SLC5A10: variants seen among roughly 807,000 people sequenced by gnomAD.
SLC5A10 encodes sodium/mannose cotransporter SLC5A10.
In SLC5A10, 55 loss-of-function variants were observed where a neutral mutation model predicts 68.9. The observed-to-expected ratio is 0.80, with a 90% CI of 0.64 to 1.00. The LOEUF is 1.00. Ranked by LOEUF, SLC5A10 falls within the 50% of genes least tolerant of loss-of-function variation. The pLI, the probability that SLC5A10 is intolerant of heterozygous loss-of-function variation, is 0.00. For synonymous variants in SLC5A10, 344 were observed against 344.8 expected, an observed-to-expected ratio of 1.00 and a Z score of 0.02; for missense variants, 732 against 819.3, an observed-to-expected ratio of 0.89 and a Z score of 1.30.
chr17:18,978,552 T>A, intron 9 of SLC5A10: 1 of 1,613,238 alleles, frequency 6.2e-7, no homozygotes. Flanking sequence ...CCCAGGGGCT[T>A]CTTGGCCTCC....
At chr17:18,955,405 G>T (rs1299590516) in intron 1 of SLC5A10, among the ~76,000 whole-genome samples, 1 of 152,208 alleles carries the variant, frequency 6.6e-6, no homozygotes, top group African/African-American at 2.4e-5. Context: ...TCATAGAGCT[G>T]TTGCGAGGAC....
At chr17:18,963,540 T>G (rs2042651469) in intron 5 of SLC5A10, among the ~76,000 whole-genome samples, 1 of 152,268 alleles carries the variant, frequency 6.6e-6, no homozygotes, top group Non-Finnish European at 1.5e-5. Flanking sequence ...TGGGCTTGGC[T>G]GCGAGAGGAC....
At chr17:18,964,130 C>G (rs1370845129) in intron 5 of SLC5A10, among the ~76,000 whole-genome samples, 1 of 152,176 alleles carries the variant, frequency 6.6e-6, no homozygotes, top group Non-Finnish European at 1.5e-5. Flanking sequence ...CAGGCCAGCC[C>G]CCTTCCTCTC....
At chr17:18,953,124 CCTT>C (rs1252489247) in intron 1 of SLC5A10, among the ~76,000 whole-genome samples, 2 of 135,882 alleles carry the variant, frequency 1.5e-5, no homozygotes, top group South Asian at 2.4e-4. Context: ...AATGAGTACC[CCTT>C]CTTTTTTTTT....
Position 19,017,698 on chromosome 17 carries a change from A to C in SLC5A10, c.1242-1725A>C. 6.1e-6 allele frequency: 2 copies of C among 327,840 alleles called. No homozygotes were observed. Among genetic ancestry groups the C allele is most frequent in the Non-Finnish European group, 1.2e-5 (2 of 173,318 alleles). 20.3% of individuals were successfully genotyped at this position (327,840 alleles called of 1,614,324 possible). A position where few individuals can be genotyped will look rare whatever the true frequency, so the allele number is the denominator to read the frequency against. On this transcript the variant is annotated intron_variant, in intron 11 of 14. Coordinates refer to ENST00000395645, the MANE Select transcript of SLC5A10 (RefSeq NM_001042450.4). This position sits in a 1 kb window ranked among gnomAD's most constrained non-coding sequence, Gnocchi z 5.6. Reference sequence around the variant, plus strand: ...TGTGTTCCCGGCTGTTCAGTCCGTAAATGGGGCCCACAGCCTCCTGGAAAC... The same window carrying C: ...TGTGTTCCCGGCTGTTCAGTCCGTACATGGGGCCCACAGCCTCCTGGAAAC...
chr17:18,991,122 G>C (rs894236618), intron 9 of SLC5A10, among the ~76,000 whole-genome samples: 4 of 152,234 alleles, frequency 2.6e-5, no homozygotes, highest in Non-Finnish European at 5.9e-5. Context: ...GAAGCACAGA[G>C]GCATTCGCCA....
chr17:18,970,291 C>T (rs2042808965), intron 7 of SLC5A10: 1 of 152,830 alleles, frequency 6.5e-6, no homozygotes, highest in Non-Finnish European at 1.5e-5. Flanking sequence ...TCTAGTGTCC[C>T]TGGGACCCAC....
Position 18,974,109 on chromosome 17 carries a change from T to C in SLC5A10, c.847-2745T>C, listed in dbSNP as rs534978212. Among the ~76,000 whole-genome samples, 512 of 152,244 alleles carry C rather than the reference T, an allele frequency of 3.4e-3. 3 individuals are homozygous for C. The highest frequency in any genetic ancestry group is 0.012 in the African/African-American group (487 of 41,558). On this transcript the variant is annotated intron_variant, in intron 8 of 14. Coordinates refer to ENST00000395645, the MANE Select transcript of SLC5A10 (RefSeq NM_001042450.4). ...GGTTTCACCATGTTGGCAAGGCTGGTCTCGAACTCCTGACCTCGTGATCCG... is the reference window on the plus strand; with the variant it reads ...GGTTTCACCATGTTGGCAAGGCTGGCCTCGAACTCCTGACCTCGTGATCCG...
At chr17:18,953,388 T>C (rs990995414) in intron 1 of SLC5A10, among the ~76,000 whole-genome samples, 1 of 152,086 alleles carries the variant, frequency 6.6e-6, no homozygotes, top group Non-Finnish European at 1.5e-5. Flanking sequence ...CGCCTCGGCC[T>C]CCCAAAGTGC....
At chr17:18,954,018 C>T (rs571803742) in intron 1 of SLC5A10, 18 of 152,332 alleles carry the variant, frequency 1.2e-4, no homozygotes, top group African/African-American at 9.6e-5. Context: ...GTACTTAAGT[C>T]ACTTAATCTC....
At chr17:18,972,984 G>A (rs560635447) in intron 8 of SLC5A10, among the ~76,000 whole-genome samples, 1 of 152,118 alleles carries the variant, frequency 6.6e-6, no homozygotes, top group Non-Finnish European at 1.5e-5. Context: ...CTCATGCTCC[G>A]GCATGCTGTG....
Position 18,968,981 on chromosome 17 carries a change from A to C in SLC5A10, c.454-71A>C. 6.7e-7 allele frequency: 1 copy of C among 1,484,178 alleles called. No homozygotes were observed. The allele number at this position is 1,484,178 out of a possible 1,614,324, so 91.9% of individuals were successfully genotyped here. A position where few individuals can be genotyped will look rare whatever the true frequency, so the allele number is the denominator to read the frequency against. ...CGAGGCCCAGAGAGGGCCTTGCCCG[A>C]GGTCACCCAGGGAGTGGCTTGCTGG... On this transcript the variant is annotated intron_variant, in intron 5 of 14. Coordinates refer to ENST00000395645, the MANE Select transcript of SLC5A10 (RefSeq NM_001042450.4). The surrounding 1 kb of genome is among the most constrained non-coding windows in gnomAD (Gnocchi z 4.1).
Position 18,959,133 on chromosome 17 carries a change from A to G in SLC5A10, c.184-2A>G. On this transcript the variant is annotated splice_acceptor_variant, in intron 2 of 14. Coordinates refer to ENST00000395645, the MANE Select transcript of SLC5A10 (RefSeq NM_001042450.4). LOFTEE classifies it high-confidence loss of function. The stretch of plus-strand genomic sequence containing the variant: ...TGATGCGTTTCCCTTTCTCTCCTCC[A>G]GATTGGAGCCTCCCTCTTCGCCAGC... 2.5e-6 allele frequency: 4 copies of G among 1,608,422 alleles called. No homozygotes were observed. Among genetic ancestry groups the G allele is most frequent in the Non-Finnish European group, 3.4e-6 (4 of 1,175,574 alleles).
chr17:18,970,770 A>G (rs2042821758), intron 7 of SLC5A10: 2 of 523,316 alleles, frequency 3.8e-6, no homozygotes, highest in Non-Finnish European at 6.9e-6. Context: ...TGGGGTGCCC[A>G]TGTGCAAAAT....
At chr17:18,958,194 C>T (rs2042540919) in intron 1 of SLC5A10, among the ~76,000 whole-genome samples, 1 of 152,218 alleles carries the variant, frequency 6.6e-6, no homozygotes, top group Non-Finnish European at 1.5e-5. Context: ...CCTCAGTGTC[C>T]TAAGTAGCGG....
At chr17:18,993,217 C>A (rs1014411382) in intron 9 of SLC5A10, among the ~76,000 whole-genome samples, 1 of 152,184 alleles carries the variant, frequency 6.6e-6, no homozygotes, top group Non-Finnish European at 1.5e-5. Flanking sequence ...ACGCGTCCTG[C>A]CTCAAGCCAC....
intron 5 of SLC5A10, among the ~76,000 whole-genome samples, chr17:18,964,266 C>G (rs1283634877): frequency 2.6e-5 from 4 of 152,200 alleles, no homozygotes; most frequent in Non-Finnish European, 5.9e-5. Context: ...TGCCAGGGGT[C>G]AGCTCGTTTT....
At chr17:18,960,705 T>C in intron 5 of SLC5A10, 53 bp downstream of exon 5, 1 of 1,539,818 alleles carries the variant, frequency 6.5e-7, no homozygotes, top group South Asian at 1.1e-5. Flanking sequence ...CGCCAATCTG[T>C]GGGCCCCTCA....
chr17:18,976,872 C>T lies in SLC5A10; in HGVS notation c.865C>T (p.Leu289=). The change falls in exon 9 of 15, where the codon CTG becomes TTG. Residue 289 remains leucine (L), a synonymous_variant. Transcript: ENST00000395645. ...CCCCCAGGTCATCGTGCAGCGATCA[C>T]TGTCAGCCCGGGACCTGAACCATGC... ...CTDQVIVQRS[L]SARDLNHAKA... The T allele has an allele frequency of 6.2e-7, 1 of 1,613,598 alleles. No homozygotes were observed. The highest frequency in any genetic ancestry group is 1.1e-5 in the South Asian group (1 of 91,078).
Sources: allele counts gnomAD v4.1 joint callset (sites outside exome capture counted in the v4.1 genomes callset), GRCh38; gene constraint gnomAD v4.1.1; non-coding constraint Gnocchi (gnomAD v3.1); transcripts MANE v1.5; gene names NCBI Gene and HGNC (gene_info 2026-07-23, HGNC 2026-07-21).